DTNA: variants seen among roughly 807,000 people sequenced by gnomAD.
DTNA encodes dystrophin-related protein 3.
Under a neutral mutation model 100.7 loss-of-function variants are expected in DTNA, and 43 were observed. That is an observed-to-expected ratio of 0.43 (90% CI 0.33 to 0.55). The LOEUF is 0.55. DTNA is among the 20% of genes least tolerant of loss of function. The pLI is 0.04. For missense variants in DTNA, 798 were observed against 953.9 expected, an observed-to-expected ratio of 0.84 and a Z score of 2.15; for synonymous variants, 349 against 347.9, an observed-to-expected ratio of 1.00 and a Z score of -0.04.
rs980688707 is a variant in DTNA, at chr18:34,553,508, T to G, written c.-2+59994T>G. Among the ~76,000 whole-genome samples, 9 of 152,138 alleles carry G rather than the reference T, an allele frequency of 5.9e-5. No homozygotes were observed. In the East Asian group the frequency reaches 1.5e-3, roughly 26 times the overall value. On this transcript the variant is annotated intron_variant, in intron 1 of 19. Coordinates refer to the DTNA transcript ENST00000283365. ...GGTTTTCTTCTAGGGTTTTTATGGT[T>G]TTAGGTCTAACGATTAAGTCTTTAA... is the stretch of plus-strand genomic sequence containing the variant.
chr18:34,620,675 G>A (rs939407392), intron 1 of DTNA, among the ~76,000 whole-genome samples: 7 of 152,138 alleles, frequency 4.6e-5, no homozygotes, highest in African/African-American at 9.7e-5. Flanking sequence ...CCCTGAGAAG[G>A]AAGAAGAGAG....
At chr18:34,522,760 C>A (rs2042265097) in intron 1 of DTNA, among the ~76,000 whole-genome samples, 1 of 152,102 alleles carries the variant, frequency 6.6e-6, no homozygotes, top group Admixed American at 6.5e-5. Context: ...CACAGTATAC[C>A]CACACACAGA....
At chr18:34,801,967 T>A (rs1476264013) in intron 4 of DTNA, among the ~76,000 whole-genome samples, 5 of 152,250 alleles carry the variant, frequency 3.3e-5, no homozygotes, top group African/African-American at 1.2e-4. Context: ...CTCCTAAGGC[T>A]GATCCCGCCC....
At chr18:34,746,522 CATTCTGCCAAGAT>C (rs1568390682) in intron 1 of DTNA, among the ~76,000 whole-genome samples, 1 of 152,062 alleles carries the variant, frequency 6.6e-6, no homozygotes, top group Non-Finnish European at 1.5e-5. Context: ...TGTACACAGT[CATTCTGCCAAGAT>C]ACATCGTATT....
At chr18:34,774,749 AAG>A (rs941833636) in intron 3 of DTNA, among the ~76,000 whole-genome samples, 3 of 152,228 alleles carry the variant, frequency 2.0e-5, no homozygotes, top group Non-Finnish European at 4.4e-5. Context: ...AGTAAAGCAA[AAG>A]AGAGATAGAA....
intron 13 of DTNA, 146 bp from the exon 14 acceptor site, chr18:34,848,150 T>G: frequency 6.7e-6 from 5 of 744,306 alleles, no homozygotes; most frequent in Non-Finnish European, 1.2e-5. Flanking sequence ...AATTCAAGTC[T>G]GAGATTGTTA....
upstream of DTNA, among the ~76,000 whole-genome samples, chr18:34,710,029 A>G (rs375419999): frequency 2.0e-5 from 3 of 152,234 alleles, no homozygotes; most frequent in Non-Finnish European, 4.4e-5. Context: ...CTTAAAATGC[A>G]TAGAGATATT....
intron 1 of DTNA, among the ~76,000 whole-genome samples, chr18:34,739,052 C>T (rs1308268603): frequency 6.6e-6 from 1 of 152,030 alleles, no homozygotes; most frequent in East Asian, 1.9e-4. Flanking sequence ...GTTTTTCAAC[C>T]CTTTCTCCCC....
intron 1 of DTNA, among the ~76,000 whole-genome samples, chr18:34,637,555 G>C (rs532699755): frequency 1.5e-4 from 23 of 152,264 alleles, no homozygotes; most frequent in Admixed American, 1.1e-3. Context: ...CTAAAAATTT[G>C]CTTAGCTCTT....
chr18:34,507,054 G>A (rs891166236), intron 1 of DTNA, among the ~76,000 whole-genome samples: 3 of 152,140 alleles, frequency 2.0e-5, no homozygotes, highest in Admixed American at 6.6e-5. Context: ...ATCCTCAAGT[G>A]GTGTTGCAGA....
At chr18:34,757,095 G>A (rs534288403) in intron 2 of DTNA, 18 of 152,244 alleles carry the variant, frequency 1.2e-4, no homozygotes, top group Admixed American at 2.6e-4. Context: ...CTAACAAGGA[G>A]GAAAGAAAAT....
intron 17 of DTNA, among the ~76,000 whole-genome samples, chr18:34,870,017 C>T (rs2096749317): frequency 6.6e-6 from 1 of 152,148 alleles, no homozygotes; most frequent in South Asian, 2.1e-4. Flanking sequence ...CACAGCGAGA[C>T]TCCGTCTCAA....
At chr18:34,608,344 G>GACAATTTAAATAAT (rs2053549764) in intron 1 of DTNA, among the ~76,000 whole-genome samples, 1 of 152,058 alleles carries the variant, frequency 6.6e-6, no homozygotes, top group Non-Finnish European at 1.5e-5. Flanking sequence ...TAAATTAGCA[G>GACAATTTAAATAAT]TGCTAAAAAT....
intron 1 of DTNA, among the ~76,000 whole-genome samples, chr18:34,742,511 C>CTCAGGTTAATCTCTCCATT (rs1229448524): frequency 6.6e-6 from 1 of 152,000 alleles, no homozygotes; most frequent in Non-Finnish European, 1.5e-5. Context: ...ACCAGGATAA[C>CTCAGGTTAATCTCTCCATT]TCAGGTTAAT....
intron 1 of DTNA, among the ~76,000 whole-genome samples, chr18:34,692,286 C>T (rs185508402): frequency 5.3e-4 from 81 of 152,290 alleles, no homozygotes; most frequent in Middle Eastern, 3.4e-3. Flanking sequence ...AGAGGGGGTC[C>T]GTGGCACTCT....
intron 1 of DTNA, among the ~76,000 whole-genome samples, chr18:34,608,241 C>A (rs1432110590): frequency 1.3e-5 from 2 of 152,158 alleles, no homozygotes; most frequent in African/African-American, 4.8e-5. Flanking sequence ...AGATAGGCAG[C>A]CTGACCTATG....
chr18:34,512,573 C>T (rs771029851), intron 1 of DTNA, among the ~76,000 whole-genome samples: 2 of 151,984 alleles, frequency 1.3e-5, no homozygotes, highest in Non-Finnish European at 1.5e-5. Flanking sequence ...AGATGGATGG[C>T]GCAGTGGCAG....
intron 1 of DTNA, among the ~76,000 whole-genome samples, chr18:34,515,799 T>C (rs1190546256): frequency 6.6e-6 from 1 of 152,084 alleles, no homozygotes; most frequent in Admixed American, 6.6e-5. Flanking sequence ...CAGGTCCCAG[T>C]GATATTTTTC....
chr18:34,778,602 G>T (rs371467245), intron 3 of DTNA, among the ~76,000 whole-genome samples: 9 of 151,920 alleles, frequency 5.9e-5, no homozygotes, highest in African/African-American at 2.2e-4. Context: ...TAATATCCTG[G>T]AAATATTGTC....
Sources: allele counts gnomAD v4.1 joint callset (sites outside exome capture counted in the v4.1 genomes callset), GRCh38; gene constraint gnomAD v4.1.1; transcripts MANE v1.5; gene names NCBI Gene and HGNC (gene_info 2026-07-23, HGNC 2026-07-21).